Variants in TBC1D32 observed in about 807,000 individuals in gnomAD.
TBC1D32 encodes TBC1 domain family member 32, also known as protein broad-minded.
A neutral mutation model predicts 170.3 loss-of-function variants in TBC1D32; 151 were observed. The ratio of observed to expected loss-of-function variants is 0.89; its 90% confidence interval spans 0.78 to 1.01. The LOEUF is 1.01. TBC1D32 is among the 50% of genes least tolerant of loss of function. The pLI is 0.00. For synonymous variants in TBC1D32, 498 were observed against 488.0 expected (o/e 1.02, Z -0.27); for missense variants, 1,464 against 1,457.1 (o/e 1.00, Z -0.08).
At chr6:121,291,447 C>CA (rs1332863929) in intron 12 of TBC1D32, among the ~76,000 whole-genome samples, 1 of 151,622 alleles carries the variant, frequency 6.6e-6, no homozygotes, top group African/African-American at 2.4e-5. Flanking sequence ...AACAAAAAAA[C>CA]AAAAAACAGT....
At chr6:121,102,168 G>A (rs901490642) in intron 30 of TBC1D32, among the ~76,000 whole-genome samples, 1 of 152,070 alleles carries the variant, frequency 6.6e-6, no homozygotes, top group Admixed American at 6.6e-5. Context: ...ACTGCCCGAG[G>A]TAACTGATAG....
chr6:121,080,215 CTTT>C lies in TBC1D32; in HGVS notation c.*553_*555del, dbSNP rs370155731. Reference sequence around the variant, plus strand: ...TGAATAAAGGAGATGTAAGTTGGGACTTTTTTTTTTTTTTTTTTTTTGAGACAG... The same window carrying C: ...TGAATAAAGGAGATGTAAGTTGGGACTTTTTTTTTTTTTTTTTTGAGACAG... On this transcript the variant is annotated 3_prime_UTR_variant, in exon 32 of 32. Transcript: ENST00000398212. 6.0e-5 allele frequency: 7 copies of C among 116,060 alleles called. No homozygotes were observed. Among genetic ancestry groups the C allele is most frequent in the South Asian group, 2.7e-4 (1 of 3,710 alleles). The allele number at this position is 116,060 out of a possible 1,614,324, so 7.2% of individuals were successfully genotyped here. A position where few individuals can be genotyped will look rare whatever the true frequency, so the allele number is the denominator to read the frequency against.
intron 22 of TBC1D32, among the ~76,000 whole-genome samples, chr6:121,161,510 T>A (rs1242421710): frequency 6.6e-6 from 1 of 152,228 alleles, no homozygotes; most frequent in Non-Finnish European, 1.5e-5. Flanking sequence ...GCTCCATTCA[T>A]GTCCCTGCAA....
At chr6:121,131,510 CT>C in intron 25 of TBC1D32, 116 bp downstream of exon 25, 1 of 1,100,736 alleles carries the variant, frequency 9.1e-7, no homozygotes, top group Non-Finnish European at 1.2e-6. Context: ...AATCAGCAAA[CT>C]TCTGGATTTA....
chr6:121,153,587 A>T (rs1013720357), intron 24 of TBC1D32, among the ~76,000 whole-genome samples: 1 of 152,056 alleles, frequency 6.6e-6, no homozygotes, highest in Non-Finnish European at 1.5e-5. Context: ...CTGTAGCTGC[A>T]CCCACAACCG....
chr6:121,180,884 A>G (rs569550161), intron 22 of TBC1D32, among the ~76,000 whole-genome samples: 3 of 152,286 alleles, frequency 2.0e-5, no homozygotes, highest in Non-Finnish European at 4.4e-5. Flanking sequence ...CAACTCAGTA[A>G]CAAATAATGA....
chr6:121,121,753 T>A (rs1232242925), intron 26 of TBC1D32, among the ~76,000 whole-genome samples: 1 of 152,006 alleles, frequency 6.6e-6, no homozygotes, highest in Non-Finnish European at 1.5e-5. Context: ...CAAACATTTA[T>A]TGACGTTATT....
intron 28 of TBC1D32, 25 bp downstream of exon 28, chr6:121,113,037 T>C (rs1480163303): frequency 6.6e-7 from 1 of 1,523,974 alleles, no homozygotes; most frequent in African/African-American, 1.4e-5. Flanking sequence ...AATTAAGCTA[T>C]TGTGAATATA....
chr6:121,081,398 C>T, intron 31 of TBC1D32, among the ~76,000 whole-genome samples: 1 of 152,052 alleles, frequency 6.6e-6, no homozygotes, highest in Non-Finnish European at 1.5e-5. Context: ...CAAGAATAAA[C>T]AGTAAGAACA....
chr6:121,125,191 T>C (rs1012023272), intron 26 of TBC1D32, among the ~76,000 whole-genome samples: 3 of 152,202 alleles, frequency 2.0e-5, no homozygotes, highest in Admixed American at 2.0e-4. Context: ...CCAGGGATTC[T>C]AAGCAGACTA....
Position 121,281,595 on chromosome 6 carries a change from A to G in TBC1D32, c.1557T>C (p.Ile519=). ...TAGGCTGAAGAAGTGTCTCTATTAC[A>G]ATGTTGTTATATAAGCATTCCACTG... is the stretch of plus-strand genomic sequence containing the variant. The part of the protein sequence containing the change: ...ECAVECLYNN[I]VIETLLQPIH... The change falls in exon 14 of 32, where the codon ATT becomes ATC. Residue 519 remains isoleucine, a synonymous_variant. Coordinates refer to ENST00000398212, the MANE Select transcript of TBC1D32 (RefSeq NM_152730.6). 6.2e-7 allele frequency: 1 copy of G among 1,607,800 alleles called. No individual in the cohort carries two copies. Among genetic ancestry groups the G allele is most frequent in the Non-Finnish European group, 8.5e-7 (1 of 1,176,200 alleles).
chr6:121,198,246 T>TTTTA (rs1554265803), intron 22 of TBC1D32, among the ~76,000 whole-genome samples: 1 of 118,942 alleles, frequency 8.4e-6, no homozygotes, highest in Non-Finnish European at 1.8e-5. Flanking sequence ...AATATATATA[T>TTTTA]TATATATATA....
intron 20 of TBC1D32, among the ~76,000 whole-genome samples, chr6:121,231,273 T>A (rs1390461300): frequency 5.3e-5 from 8 of 152,178 alleles, no homozygotes; most frequent in African/African-American, 1.9e-4. Flanking sequence ...TTTTTATGGC[T>A]GAGTAGTATT....
chr6:121,261,195 G>T (rs1232005733), intron 15 of TBC1D32, among the ~76,000 whole-genome samples: 2 of 152,182 alleles, frequency 1.3e-5, no homozygotes, highest in East Asian at 3.9e-4. Flanking sequence ...AGCAGACTTA[G>T]TCTTTCCTCC....
intron 26 of TBC1D32, among the ~76,000 whole-genome samples, chr6:121,125,865 G>A (rs921326242): frequency 1.3e-5 from 2 of 152,110 alleles, no homozygotes; most frequent in South Asian, 2.1e-4. Flanking sequence ...ATCTGCTGTG[G>A]GACACAGGCT....
chr6:121,175,938 A>G (rs1787703149), intron 22 of TBC1D32, among the ~76,000 whole-genome samples: 1 of 152,220 alleles, frequency 6.6e-6, no homozygotes, highest in Non-Finnish European at 1.5e-5. Flanking sequence ...CCATCTCCTA[A>G]TCACATAAAT....
At position 121,113,061 on chromosome 6, in the gene TBC1D32, T is replaced by G; in HGVS notation, c.3169+1A>C. The G allele has an allele frequency of 6.2e-7, 1 of 1,601,578 alleles. No homozygotes were observed. Among genetic ancestry groups the G allele is most frequent in the Non-Finnish European group, 8.5e-7 (1 of 1,173,950 alleles). ...ATTGTGAATATACTCAAAAAGGATA[T>G]GAAGAGAAGATTTTATGGAAGTTTG... On this transcript the variant is annotated splice_donor_variant, in intron 28 of 31. Coordinates refer to ENST00000398212, the MANE Select transcript of TBC1D32 (RefSeq NM_152730.6). LOFTEE classifies it high-confidence loss of function.
intron 30 of TBC1D32, chr6:121,095,763 G>C (rs1299803431): frequency 6.6e-6 from 1 of 152,116 alleles, no homozygotes; most frequent in East Asian, 1.9e-4. Context: ...AACCAGTCTT[G>C]CATCCCAGGG....
chr6:121,333,793 G>A (rs1229662235), intron 1 of TBC1D32, among the ~76,000 whole-genome samples: 1 of 152,298 alleles, frequency 6.6e-6, no homozygotes, highest in East Asian at 1.9e-4. Context: ...GCGGCCGGGC[G>A]CGGTGGCTCA....
Sources: gnomAD v4.1 joint callset for allele counts (sites outside exome capture counted in the v4.1 genomes callset) on GRCh38, gnomAD v4.1.1 for gene constraint, MANE v1.5 for transcripts, NCBI Gene and HGNC (gene_info 2026-07-23, HGNC 2026-07-21) for gene names.